NIPBL: variants seen among roughly 807,000 people sequenced by gnomAD.
NIPBL encodes nipped-B-like protein.
NIPBL carries 19 observed loss-of-function variants against 321.8 expected under a neutral mutation model. The ratio of observed to expected loss-of-function variants is 0.06; its 90% CI spans 0.04 to 0.09. NIPBL has a LOEUF of 0.09. Among genes scored for constraint, NIPBL ranks in the 10% least tolerant of loss-of-function variants. The probability of loss-of-function intolerance (pLI) is 1.00; values close to 1 mark genes in which losing one functional copy is unlikely to be tolerated. For synonymous variants in NIPBL, 1,106 were observed against 1,114.1 expected (o/e 0.99, Z 0.14); for missense variants, 2,210 against 3,327.0 (o/e 0.66, Z 8.26).
At chr5:36,902,228 A>G (rs977923702) in intron 1 of NIPBL, among the ~76,000 whole-genome samples, 12 of 152,028 alleles carry the variant, frequency 7.9e-5, no homozygotes, top group African/African-American at 2.9e-4. Flanking sequence ...CTCTGTTGAT[A>G]GTTTCTTTGG....
At chr5:37,040,447 A>G (rs1326850578) in intron 34 of NIPBL, among the ~76,000 whole-genome samples, 1 of 152,118 alleles carries the variant, frequency 6.6e-6, no homozygotes, top group Non-Finnish European at 1.5e-5. Flanking sequence ...TAAATGGTTG[A>G]CCGGGTTTTG....
At chr5:36,955,988 G>A (rs755654541) in intron 3 of NIPBL, among the ~76,000 whole-genome samples, 19 of 151,300 alleles carry the variant, frequency 1.3e-4, no homozygotes, top group Non-Finnish European at 1.5e-4. Context: ...TTGGGAGGCC[G>A]AGGCAGGTGG....
chr5:37,063,686 T>C lies in NIPBL; in HGVS notation c.7861-104T>C, dbSNP rs185035203. On this transcript the variant is annotated intron_variant, in intron 45 of 46. Transcript: ENST00000282516. ...CCTAATTTAGATGATGGCTAACGTCTGTTTCACCCACACCAAACTACTGCC... is the reference window on the plus strand; with the variant it reads ...CCTAATTTAGATGATGGCTAACGTCCGTTTCACCCACACCAAACTACTGCC... The C allele has an allele frequency of 1.5e-3, 1,708 of 1,114,082 alleles. 17 individuals are homozygous for C. The African/African-American group carries it at 0.023, about 15-fold the overall frequency. 69.0% of individuals were successfully genotyped at this position (1,114,082 alleles called of 1,614,324 possible). A position where few individuals can be genotyped will look rare whatever the true frequency, so the allele number is the denominator to read the frequency against.
At chr5:37,030,953 T>A (rs1007664970) in intron 32 of NIPBL, among the ~76,000 whole-genome samples, 38 of 134,706 alleles carry the variant, frequency 2.8e-4, no homozygotes, top group African/African-American at 1.0e-3. Flanking sequence ...TGAGACAGGA[T>A]GTCACTATAT....
chr5:36,912,605 G>A (rs1025681676), intron 1 of NIPBL, among the ~76,000 whole-genome samples: 2 of 151,162 alleles, frequency 1.3e-5, no homozygotes, highest in Non-Finnish European at 2.9e-5. Context: ...GGATTCAAGC[G>A]ATTCTCCTGC....
intron 1 of NIPBL, among the ~76,000 whole-genome samples, chr5:36,903,970 A>G (rs550937262): frequency 6.6e-6 from 1 of 152,306 alleles, no homozygotes; most frequent in Admixed American, 6.5e-5. Context: ...ATAGAAAGGA[A>G]TATATTAGAT....
At chr5:36,943,051 A>G (rs1052980408) in intron 1 of NIPBL, among the ~76,000 whole-genome samples, 1 of 152,092 alleles carries the variant, frequency 6.6e-6, no homozygotes, top group African/African-American at 2.4e-5. Context: ...GTAACTTCAA[A>G]TTTTTGTTGT....
chr5:36,990,269 A>G (rs779473926), intron 10 of NIPBL, among the ~76,000 whole-genome samples: 3 of 152,210 alleles, frequency 2.0e-5, no homozygotes, highest in African/African-American at 4.8e-5. Flanking sequence ...TCAGTTATCT[A>G]CTGTTACAGT....
At chr5:36,947,006 A>G (rs1739762889) in intron 1 of NIPBL, among the ~76,000 whole-genome samples, 1 of 152,118 alleles carries the variant, frequency 6.6e-6, no homozygotes, top group Admixed American at 6.6e-5. Context: ...TTAGCTGTAG[A>G]GAGAGTATTT....
chr5:36,978,201 G>T (rs1218726060), intron 9 of NIPBL, among the ~76,000 whole-genome samples: 1 of 151,940 alleles, frequency 6.6e-6, no homozygotes, highest in Non-Finnish European at 1.5e-5. Flanking sequence ...CATAAGGGTT[G>T]AACTAATTTA....
intron 21 of NIPBL, 36 bp from the exon 22 acceptor site, chr5:37,014,647 C>T (rs1390137504): frequency 2.4e-6 from 3 of 1,247,490 alleles, no homozygotes; most frequent in Non-Finnish European, 3.5e-6. Flanking sequence ...CTTATTATTT[C>T]TTGTATCTTT....
intron 9 of NIPBL, among the ~76,000 whole-genome samples, chr5:36,980,098 A>G (rs1743963967): frequency 6.6e-6 from 1 of 151,788 alleles, no homozygotes; most frequent in African/African-American, 2.4e-5. Flanking sequence ...AGGGTCATAT[A>G]TAGTTCTAAT....
At chr5:37,061,877 T>C (rs916236035) in intron 45 of NIPBL, among the ~76,000 whole-genome samples, 1 of 152,204 alleles carries the variant, frequency 6.6e-6, no homozygotes, top group African/African-American at 2.4e-5. Context: ...GTTTCACTCT[T>C]GTTGCCCAGG....
intron 19 of NIPBL, 41 bp downstream of exon 19, chr5:37,008,129 A>G: frequency 7.9e-7 from 1 of 1,272,256 alleles, no homozygotes; most frequent in Middle Eastern, 1.9e-4. Context: ...CCCCACAAAT[A>G]AAACAATATT....
chr5:36,899,341 A>G (rs1580178101), intron 1 of NIPBL, among the ~76,000 whole-genome samples: 1 of 152,204 alleles, frequency 6.6e-6, no homozygotes, highest in Admixed American at 6.5e-5. Context: ...TGCATTAAAA[A>G]AAAAGTGTAA....
intron 6 of NIPBL, among the ~76,000 whole-genome samples, chr5:36,966,682 C>T (rs1742244688): frequency 1.3e-5 from 2 of 151,902 alleles, no homozygotes; most frequent in South Asian, 2.1e-4. Context: ...ATTGGAAAAA[C>T]GATGATTTTT....
chr5:36,973,464 G>T (rs563786084), intron 8 of NIPBL, among the ~76,000 whole-genome samples: 1 of 151,310 alleles, frequency 6.6e-6, no homozygotes, highest in African/African-American at 2.4e-5. Context: ...CGTCATCTAG[G>T]TTTTTTTTCT....
At chr5:36,902,932 T>C (rs1411954505) in intron 1 of NIPBL, among the ~76,000 whole-genome samples, 3 of 152,178 alleles carry the variant, frequency 2.0e-5, no homozygotes, top group East Asian at 3.8e-4. Context: ...TTTTGTAAAC[T>C]CTGATTTTTT....
At chr5:37,027,728 C>T (rs1199551741) in intron 32 of NIPBL, among the ~76,000 whole-genome samples, 3 of 148,586 alleles carry the variant, frequency 2.0e-5, no homozygotes, top group Non-Finnish European at 4.4e-5. Flanking sequence ...AAGCAATTCT[C>T]CTGCCTCAGC....
Sources: gnomAD v4.1 joint callset for allele counts (sites outside exome capture counted in the v4.1 genomes callset) on GRCh38, gnomAD v4.1.1 for gene constraint, MANE v1.5 for transcripts, NCBI Gene and HGNC (gene_info 2026-07-23, HGNC 2026-07-21) for gene names.